Variants in NPHS1 observed in about 807,000 individuals in gnomAD.
The protein encoded by NPHS1 is NPHS1 adhesion molecule, nephrin, also known as nephrin.
In NPHS1, 107 loss-of-function variants were observed where a neutral mutation model predicts 139.7. The observed-to-expected ratio is 0.77, with a 90% confidence interval of 0.66 to 0.90. The LOEUF is 0.90. Among genes scored for constraint, NPHS1 ranks in the 40% least tolerant of loss-of-function variants. The pLI is 0.00. For missense variants in NPHS1, 1,580 were observed against 1,654.2 expected (o/e 0.96, Z 0.78); for synonymous variants, 707 against 706.6 (o/e 1.00, Z -0.01).
chr19:35,848,820 T>C (rs1486552653), intron 8 of NPHS1, 26 bp from the exon 9 acceptor site: 3 of 1,613,922 alleles, frequency 1.9e-6, no homozygotes, highest in Non-Finnish European at 2.5e-6. Context: ...AGGAAGACAC[T>C]AAGCTGGGCT....
rs1189898014 is a variant in NPHS1, at chr19:35,839,315, C to T, written c.3031G>A (p.Val1011Ile). ...TGLQPSTRYR[V>I]WLLASNALGD... ...AAGGCATTACTGGCCAGCAGCCAGACCCTGTATCTTGTAGAAGGCTGTAGA... is the reference window on the plus strand; with the variant it reads ...AAGGCATTACTGGCCAGCAGCCAGATCCTGTATCTTGTAGAAGGCTGTAGA... Residue 1011 changes from valine to isoleucine, a missense_variant, in exon 22 of 29, where the codon GTC becomes ATC. Val to Ile is a conservative substitution (Grantham distance 29). Coordinates refer to ENST00000378910, the MANE Select transcript of NPHS1 (RefSeq NM_004646.4). 2 of 1,614,222 alleles carry T rather than the reference C, an allele frequency of 1.2e-6. No individual in the cohort carries two copies. The highest frequency in any genetic ancestry group is 2.2e-5 in the South Asian group (2 of 91,082).
At chr19:35,831,274 C>A in intron 26 of NPHS1, 22 bp downstream of exon 26, 1 of 1,612,306 alleles carries the variant, frequency 6.2e-7, no homozygotes, top group South Asian at 1.1e-5. Flanking sequence ...ATTGTGGGGT[C>A]ACCAGGGCCA....
chr19:35,825,478 AACC>A lies in NPHS1; in HGVS notation c.*1033_*1035del, dbSNP rs778092711. ...TTTTGACAAATCTGTGCACCCGTGCAACCACCACCACAATCGTTATATAGAATA... is the reference window on the plus strand; with the variant it reads ...TTTTGACAAATCTGTGCACCCGTGCAACCACCACAATCGTTATATAGAATA... On this transcript the variant is annotated 3_prime_UTR_variant, in exon 29 of 29. Transcript: ENST00000378910. 2.0e-5 allele frequency among the ~76,000 whole-genome samples: 3 copies of A among 152,178 alleles called. No individual in the cohort carries two copies. Among genetic ancestry groups the A allele is most frequent in the Non-Finnish European group, 4.4e-5 (3 of 68,030 alleles).
chr19:35,836,337 A>T (rs1972961724), intron 22 of NPHS1, among the ~76,000 whole-genome samples: 1 of 150,464 alleles, frequency 6.6e-6, no homozygotes, highest in Non-Finnish European at 1.5e-5. Flanking sequence ...AGCTCACTGC[A>T]GCCTCGACCT....
In NPHS1 at chr19:35,842,501, C is replaced by A. The variant is rs1973075631; in HGVS notation, c.2384G>T (p.Arg795Met). ...AATCCGCAGGCGCCCCGTTGGTCCC[C>A]TGGATATCTTCTCCATGTCATCCAG... ...QSLDDMEKIS[R>M]GPTGRLRIHH... Residue 795 changes from arginine to methionine, a missense_variant, in exon 18 of 29, where the codon AGG becomes ATG. Coordinates refer to ENST00000378910, the MANE Select transcript of NPHS1 (RefSeq NM_004646.4). The A allele has an allele frequency of 6.2e-7, 1 of 1,614,156 alleles. No homozygotes were observed.
chr19:35,834,215 TTGC>T (rs2146810486), intron 23 of NPHS1, among the ~76,000 whole-genome samples: 1 of 152,058 alleles, frequency 6.6e-6, no homozygotes, highest in African/African-American at 2.4e-5. Context: ...AGCTAGTAAA[TTGC>T]TGCTTTTGAC....
rs1485473395 is a variant in NPHS1 at position 35,847,855 on chromosome 19, C to G, written c.1440+186G>C. On this transcript the variant is annotated intron_variant, in intron 11 of 28. Transcript: ENST00000378910. ...TTCTCACTGTTTCCCCAGAATTTTC[C>G]TAGGATTCCATTTAATTCTCATAGC... 1.3e-5 allele frequency: 8 copies of G among 594,314 alleles called. No homozygotes were observed. The East Asian group carries it at 2.0e-4, about 15-fold the overall frequency. The allele number at this position is 594,314 out of a possible 1,614,324, so 36.8% of individuals were successfully genotyped here.
At chr19:35,840,118 C>A (rs1973032938) in intron 20 of NPHS1, among the ~76,000 whole-genome samples, 1 of 151,532 alleles carries the variant, frequency 6.6e-6, no homozygotes, top group African/African-American at 2.4e-5. Flanking sequence ...AATTCTCCTG[C>A]CTCAGCCTCC....
At chr19:35,848,443 C>G in intron 9 of NPHS1, 46 bp from the exon 10 acceptor site, 3 of 1,613,566 alleles carry the variant, frequency 1.9e-6, no homozygotes, top group Non-Finnish European at 2.5e-6. Flanking sequence ...GCACCCCTAT[C>G]CATCGTGCTA....
chr19:35,849,271 C>T lies in NPHS1; in HGVS notation c.805G>A (p.Gly269Arg). The T allele has an allele frequency of 6.2e-7, 1 of 1,613,622 alleles. No individual in the cohort carries two copies. The highest frequency in any genetic ancestry group is 8.5e-7 in the Non-Finnish European group (1 of 1,180,012). The change falls in exon 7 of 29, where the codon GGG (glycine) becomes AGG (arginine). Residue 269 changes from glycine (G) to arginine (R), a missense_variant. By Grantham distance (125) the Gly-to-Arg change is moderately radical. Transcript: ENST00000378910. ...TGCAGTGTGGCTAAGGGATTACCCC[C>T]TCGGGCCACGCACGGCAGCTCCAAG... ...QSLELPCVARGGNPLATLQWL... is the reference protein window; with the variant it reads ...QSLELPCVARRGNPLATLQWL...
Position 35,835,668 on chromosome 19 carries a change from A to G in NPHS1, c.3166+37T>C, listed in dbSNP as rs377556174. ...TCAGAGACCAGGAGGTTCCATTCTC[A>G]GGGGAGCCGGGAGGGATCAGGGGAC... On this transcript the variant is annotated intron_variant, in intron 23 of 28. Coordinates refer to ENST00000378910, the MANE Select transcript of NPHS1 (RefSeq NM_004646.4). The G allele has an allele frequency of 5.0e-6, 8 of 1,590,166 alleles. No individual in the cohort carries two copies. The African/African-American group carries it at 1.1e-4, about 21-fold the overall frequency.
intron 28 of NPHS1, among the ~76,000 whole-genome samples, chr19:35,827,659 C>T (rs1272618137): frequency 1.3e-5 from 2 of 152,170 alleles, no homozygotes; most frequent in African/African-American, 4.8e-5. Flanking sequence ...TGACTCATGC[C>T]TGTAATCCTA....
chr19:35,827,237 TC>T (rs1409945957), intron 28 of NPHS1, among the ~76,000 whole-genome samples: 1 of 151,850 alleles, frequency 6.6e-6, no homozygotes. Flanking sequence ...CGTCTCAGCC[TC>T]CCAAAGTGCT....
intron 16 of NPHS1, 56 bp downstream of exon 16, chr19:35,844,047 C>G: frequency 6.3e-7 from 1 of 1,591,540 alleles, no homozygotes; most frequent in Non-Finnish European, 8.5e-7. Flanking sequence ...TGAGGAGACT[C>G]CACAATGGGC....
chr19:35,838,193 G>A (rs1282090125), intron 22 of NPHS1, among the ~76,000 whole-genome samples: 3 of 150,462 alleles, frequency 2.0e-5, no homozygotes, highest in Non-Finnish European at 3.0e-5. Flanking sequence ...GCAGTGAGCC[G>A]AGACGGCACC....
intron 26 of NPHS1, 37 bp from the exon 27 acceptor site, chr19:35,831,183 A>C: frequency 6.2e-7 from 1 of 1,611,802 alleles, no homozygotes. Flanking sequence ...AGCCCTTTCC[A>C]TCCTCTGACC....
rs2146832398 is a variant in NPHS1 at position 35,851,491 on chromosome 19, G to A, written c.240C>T (p.Phe80=). 1 of 1,613,636 alleles carries A rather than the reference G, an allele frequency of 6.2e-7. No individual in the cohort carries two copies. The highest frequency in any genetic ancestry group is 8.5e-7 in the Non-Finnish European group (1 of 1,179,998). ...GGTCCCCTTCCAGGCGGTACCTCGGGAAGCCTGGGATCCTGGGGTCGGGGC... is the reference window on the plus strand; with the variant it reads ...GGTCCCCTTCCAGGCGGTACCTCGGAAAGCCTGGGATCCTGGGGTCGGGGC... ...LLGPDPRIPG[F]PRYRLEGDPA... Residue 80 remains phenylalanine (F), a synonymous_variant, in exon 2 of 29, where the codon TTC becomes TTT. Coordinates refer to ENST00000378910, the MANE Select transcript of NPHS1 (RefSeq NM_004646.4).
rs200325635 is a variant in NPHS1, at chr19:35,843,633, A to T, written c.2213-40T>A. On this transcript the variant is annotated intron_variant, in intron 16 of 28. Transcript: ENST00000378910. The stretch of plus-strand genomic sequence containing the variant: ...AGGCTTGGGGAAGACACTTGGGCCC[A>T]GACAGGTCTGGGTGTGAGAGGGCCC... 252 of 1,611,052 alleles carry T rather than the reference A, an allele frequency of 1.6e-4. 2 individuals are homozygous for T. In the Middle Eastern group the frequency reaches 7.2e-3, roughly 46 times the overall value.
Position 35,844,585 on chromosome 19 carries a change from G to A in NPHS1, c.1931-126C>T, listed in dbSNP as rs899791090. The A allele has an allele frequency of 8.1e-6, 8 of 988,582 alleles. No individual in the cohort carries two copies. The African/African-American group carries it at 1.3e-4, about 16-fold the overall frequency. 61.2% of individuals were successfully genotyped at this position (988,582 alleles called of 1,614,324 possible). A position where few individuals can be genotyped will look rare whatever the true frequency, so the allele number is the denominator to read the frequency against. ...CGACGGGGTTTAAGGTTGTGGACAA[G>A]GTAACAAGTTCAGAGCTAAGCTCAG... On this transcript the variant is annotated intron_variant, in intron 14 of 28. Transcript: ENST00000378910.
Sources: gnomAD v4.1 joint callset for allele counts (sites outside exome capture counted in the v4.1 genomes callset) on GRCh38, gnomAD v4.1.1 for gene constraint, MANE v1.5 for transcripts, NCBI Gene and HGNC (gene_info 2026-07-23, HGNC 2026-07-21) for gene names.